Variants in NRXN1 observed in about 807,000 individuals in gnomAD.
NRXN1 encodes neurexin 1, also known as neurexin-1.
A neutral mutation model predicts 150.9 loss-of-function variants in NRXN1; 39 were observed. The ratio of observed to expected loss-of-function variants is 0.26; its 90% CI spans 0.20 to 0.34. NRXN1 has a LOEUF of 0.34. Among genes scored for constraint, NRXN1 ranks in the 10% least tolerant of loss-of-function variants. The pLI is 1.00. For missense variants in NRXN1, 1,815 were observed against 1,949.9 expected, an observed-to-expected ratio of 0.93 and a Z score of 1.30; for synonymous variants, 924 against 757.0, an observed-to-expected ratio of 1.22 and a Z score of -3.62.
intron 5 of NRXN1, among the ~76,000 whole-genome samples, chr2:50,789,196 C>T (rs1325717699): frequency 6.6e-6 from 1 of 152,056 alleles, no homozygotes; most frequent in Non-Finnish European, 1.5e-5. Flanking sequence ...CTTTATATAC[C>T]TACTGCTTGG....
At chr2:50,824,086 T>G (rs886748233) in intron 5 of NRXN1, among the ~76,000 whole-genome samples, 39 of 152,310 alleles carry the variant, frequency 2.6e-4, no homozygotes, top group African/African-American at 8.9e-4. Context: ...CAGAAGAATT[T>G]AGAGGAAGTC....
intron 8 of NRXN1, among the ~76,000 whole-genome samples, chr2:50,565,801 T>C (rs1669756926): frequency 6.6e-6 from 1 of 152,166 alleles, no homozygotes; most frequent in Non-Finnish European, 1.5e-5. Context: ...CTCCCAAGTA[T>C]AACTGTCATC....
intron 8 of NRXN1, among the ~76,000 whole-genome samples, chr2:50,560,477 G>A (rs773059510): frequency 2.8e-5 from 4 of 140,424 alleles, no homozygotes; most frequent in Non-Finnish European, 4.6e-5. Flanking sequence ...GTCTCACTCC[G>A]TCGCCCAGGC....
chr2:50,914,933 A>T (rs1685006329), intron 5 of NRXN1, among the ~76,000 whole-genome samples: 1 of 151,558 alleles, frequency 6.6e-6, no homozygotes, highest in Admixed American at 6.6e-5. Flanking sequence ...CAGGGTAGAG[A>T]TTTCTGCCTT....
At chr2:50,355,296 A>ATG in intron 17 of NRXN1, among the ~76,000 whole-genome samples, 1 of 148,604 alleles carries the variant, frequency 6.7e-6, no homozygotes, top group African/African-American at 2.5e-5. Context: ...ATATACATAT[A>ATG]TATATATTTG....
At chr2:50,310,237 T>C (rs1339705466) in intron 17 of NRXN1, among the ~76,000 whole-genome samples, 1 of 152,220 alleles carries the variant, frequency 6.6e-6, no homozygotes, top group East Asian at 1.9e-4. Flanking sequence ...CTTTCATTTC[T>C]TGGATAAGTT....
At chr2:50,171,738 C>G (rs2060043350) in intron 18 of NRXN1, among the ~76,000 whole-genome samples, 1 of 152,178 alleles carries the variant, frequency 6.6e-6, no homozygotes, top group Non-Finnish European at 1.5e-5. Context: ...GACCACTATT[C>G]TTGAATATCC....
At chr2:50,898,612 T>C (rs754376434) in intron 5 of NRXN1, 1 of 480,978 alleles carries the variant, frequency 2.1e-6, no homozygotes, top group South Asian at 1.5e-5. Flanking sequence ...GCTGTAATAT[T>C]CTATGAGGTT....
intron 2 of NRXN1, among the ~76,000 whole-genome samples, chr2:51,001,191 A>G (rs1219504870): frequency 1.6e-5 from 2 of 123,026 alleles, no homozygotes; most frequent in African/African-American, 6.2e-5. Flanking sequence ...TACTGCCTCC[A>G]TATGGTTCCA....
In NRXN1 at chr2:50,334,192, A is replaced by AATAT. The variant is rs1553457969; in HGVS notation, c.3365-97226_3365-97223dup. On this transcript the variant is annotated intron_variant, in intron 17 of 22. Transcript: ENST00000401669. ...CTGCCTTTCCTTAAGACCAGGACCA[A>AATAT]ATATATATATATATATATATGTATG... 3.1e-3 allele frequency among the ~76,000 whole-genome samples: 372 copies of AATAT among 118,978 alleles called. 13 individuals are homozygous for AATAT. Among genetic ancestry groups the AATAT allele is most frequent in the African/African-American group, 6.9e-3 (159 of 23,176 alleles). 78.1% of individuals were successfully genotyped at this position (118,978 alleles called of 152,430 possible).
At chr2:49,970,285 T>C (rs1021036543) in intron 21 of NRXN1, 2 of 152,088 alleles carry the variant, frequency 1.3e-5, no homozygotes, top group African/African-American at 2.4e-5. Flanking sequence ...CTGAGCTAGT[T>C]ACTTATGATT....
chr2:50,649,674 G>A (rs894783525), intron 5 of NRXN1, among the ~76,000 whole-genome samples: 1 of 151,904 alleles, frequency 6.6e-6, no homozygotes, highest in East Asian at 1.9e-4. Flanking sequence ...TGTATCACTT[G>A]ATTGTTGAGA....
intron 18 of NRXN1, among the ~76,000 whole-genome samples, chr2:50,195,018 G>C (rs908778964): frequency 6.6e-6 from 1 of 152,122 alleles, no homozygotes; most frequent in East Asian, 1.9e-4. Context: ...GTAGATGAAA[G>C]ATTTACACAG....
At chr2:50,838,477 A>G (rs1672403175) in intron 5 of NRXN1, among the ~76,000 whole-genome samples, 1 of 152,120 alleles carries the variant, frequency 6.6e-6, no homozygotes. Flanking sequence ...ACCCCCTCAG[A>G]GAGTATGCTA....
At chr2:50,023,197 A>G (rs4971634) in intron 21 of NRXN1, 105,620 of 152,044 alleles carry the variant, frequency 0.69, 36,841 homozygotes, top group Middle Eastern at 0.75. Context: ...TCTTCCTGGA[A>G]AGAAAGTCCT....
chr2:50,140,297 G>A (rs1382897464), intron 18 of NRXN1, among the ~76,000 whole-genome samples: 1 of 152,032 alleles, frequency 6.6e-6, no homozygotes, highest in East Asian at 1.9e-4. Context: ...CTCTAGACTT[G>A]CTGATTTAAA....
At chr2:50,452,093 T>G (rs528280833) in intron 17 of NRXN1, among the ~76,000 whole-genome samples, 2 of 152,318 alleles carry the variant, frequency 1.3e-5, no homozygotes, top group Admixed American at 1.3e-4. Context: ...TATAAATAAA[T>G]AGCTACATAA....
At chr2:51,006,250 A>G (rs1700705290) in intron 2 of NRXN1, among the ~76,000 whole-genome samples, 1 of 151,878 alleles carries the variant, frequency 6.6e-6, no homozygotes, top group Non-Finnish European at 1.5e-5. Flanking sequence ...TTGTAGGGAC[A>G]TGGATGAAGC....
chr2:50,565,318 G>A (rs114414872), intron 8 of NRXN1, among the ~76,000 whole-genome samples: 2,274 of 151,736 alleles, frequency 0.015, 67 homozygotes, highest in African/African-American at 0.052. Flanking sequence ...ATGTAATTTC[G>A]CACGTCTTTT....
Sources: gnomAD v4.1 joint callset for allele counts (sites outside exome capture counted in the v4.1 genomes callset) on GRCh38, gnomAD v4.1.1 for gene constraint, MANE v1.5 for transcripts, NCBI Gene and HGNC (gene_info 2026-07-23, HGNC 2026-07-21) for gene names.